Variants in NCOR2 observed in about 807,000 individuals in gnomAD.
NCOR2 encodes CTG repeat protein 26.
In NCOR2, 81 loss-of-function variants were observed where a neutral mutation model predicts 262.9. The ratio of observed to expected loss-of-function variants is 0.31; its 90% CI spans 0.26 to 0.37. The LOEUF (loss-of-function observed/expected upper bound fraction) is 0.37, where lower values mean the gene tolerates loss of function less well. Among genes scored for constraint, NCOR2 ranks in the 10% least tolerant of loss-of-function variants. The pLI, the probability that NCOR2 is intolerant of heterozygous loss-of-function variation, is 1.00. For missense variants in NCOR2, 3,385 were observed against 3,621.4 expected, an observed-to-expected ratio of 0.93 and a Z score of 1.68; for synonymous variants, 1,659 against 1,559.3, an observed-to-expected ratio of 1.06 and a Z score of -1.51.
At chr12:124,553,292 G>A (rs1402959601) in intron 1 of NCOR2, among the ~76,000 whole-genome samples, 2 of 152,184 alleles carry the variant, frequency 1.3e-5, no homozygotes, top group Non-Finnish European at 2.9e-5. Context: ...AAGGTCAGCT[G>A]GTTAGCAGCC....
At chr12:124,411,505 C>T (rs1437760964) in intron 13 of NCOR2, among the ~76,000 whole-genome samples, 1 of 152,154 alleles carries the variant, frequency 6.6e-6, no homozygotes, top group African/African-American at 2.4e-5. Flanking sequence ...AAGAGAGGCC[C>T]CCTTGGCCAC....
rs1158349958 is a variant in NCOR2 at position 124,566,024 on chromosome 12, T to C, written c.-165+1284A>G. Among the ~76,000 whole-genome samples, 1 of 152,022 alleles carries C rather than the reference T, an allele frequency of 6.6e-6. No individual in the cohort carries two copies. Among genetic ancestry groups the C allele is most frequent in the Non-Finnish European group, 1.5e-5 (1 of 68,016 alleles). Reference sequence around the variant, plus strand: ...ATCAAAGCTGCCGCAAGGACCCAGATCTGGCTGAAAAGGGGCAAAGTCAAG... The same window carrying C: ...ATCAAAGCTGCCGCAAGGACCCAGACCTGGCTGAAAAGGGGCAAAGTCAAG... On this transcript the variant is annotated intron_variant, in intron 1 of 32. Coordinates refer to the NCOR2 transcript ENST00000458234. This position sits in a 1 kb window ranked among gnomAD's most constrained non-coding sequence, Gnocchi z 4.3.
chr12:124,527,204 C>T (rs1319601405), intron 1 of NCOR2, among the ~76,000 whole-genome samples: 1 of 152,154 alleles, frequency 6.6e-6, no homozygotes, highest in Non-Finnish European at 1.5e-5. Context: ...AAACACGGCG[C>T]CCCGCACAGA....
At chr12:124,326,261 G>A (rs1399214029) in exon 46 of NCOR2, 1 of 1,560,208 alleles carries the variant, frequency 6.4e-7, no homozygotes, top group Non-Finnish European at 8.7e-7. Context: ...CTCCCTCCGA[G>A]TGCACTGAGG....
At chr12:124,386,354 G>A (rs955907845) in intron 16 of NCOR2, among the ~76,000 whole-genome samples, 21 of 151,962 alleles carry the variant, frequency 1.4e-4, no homozygotes, top group East Asian at 7.8e-4. Flanking sequence ...GTTGTTTTCC[G>A]GCCACACCGG....
chr12:124,330,691 A>G (rs2035107100), intron 44 of NCOR2, among the ~76,000 whole-genome samples, 154 bp downstream of exon 46: 1 of 152,184 alleles, frequency 6.6e-6, no homozygotes. Flanking sequence ...CTGTTGTGTG[A>G]CTCTGAATCC....
chr12:124,467,782 C>A (rs1406488888), intron 4 of NCOR2, among the ~76,000 whole-genome samples: 1 of 80,266 alleles, frequency 1.2e-5, no homozygotes, highest in South Asian at 7.0e-4. Context: ...CCTCATCATC[C>A]TTATCCTCAT....
Position 124,372,091 on chromosome 12 carries a change from TG to T in NCOR2, c.2737del (p.Gln913ArgfsTer51). The T allele has an allele frequency of 3.7e-6, 6 of 1,603,708 alleles. No individual in the cohort carries two copies. ...GCAGGTAGCACTGGAGTCGCTGTCCTGGGGGGCGCCCGAGCTCTTGGCTGTG... is the reference window on the plus strand; with the variant it reads ...GCAGGTAGCACTGGAGTCGCTGTCCTGGGGGCGCCCGAGCTCTTGGCTGTG... On this transcript the variant is annotated frameshift_variant, in exon 20 of 47. Transcript: ENST00000405201. LOFTEE classifies it high-confidence loss of function.
intron 1 of NCOR2, among the ~76,000 whole-genome samples, chr12:124,558,537 G>T (rs984355223): frequency 9.9e-5 from 15 of 152,222 alleles, no homozygotes; most frequent in Non-Finnish European, 1.8e-4. Context: ...GGCGGCTGCA[G>T]TCCCAGGTGG....
At chr12:124,498,086 G>A (rs982914708), upstream of NCOR2, among the ~76,000 whole-genome samples, 4 of 152,182 alleles carry the variant, frequency 2.6e-5, no homozygotes, top group African/African-American at 7.2e-5. Flanking sequence ...AGATAAGGCC[G>A]TCACTTCTGC....
chr12:124,438,769 C>A (rs1326370756), intron 7 of NCOR2, among the ~76,000 whole-genome samples: 28 of 37,812 alleles, frequency 7.4e-4, no homozygotes, highest in South Asian at 2.1e-3. Context: ...AGACAGAGAC[C>A]CAGAGAGACA....
intron 11 of NCOR2, among the ~76,000 whole-genome samples, chr12:124,424,592 C>T (rs1315249327): frequency 6.6e-6 from 1 of 152,188 alleles, no homozygotes; most frequent in African/African-American, 2.4e-5. Flanking sequence ...ACCAAAGACC[C>T]TCCTGGATAG....
chr12:124,517,433 G>T lies in NCOR2; in HGVS notation c.-118+18132C>A, dbSNP rs1036350721. 6.6e-6 allele frequency among the ~76,000 whole-genome samples: 1 copy of T among 152,150 alleles called. No individual in the cohort carries two copies. The highest frequency in any genetic ancestry group is 6.5e-5 in the Admixed American group (1 of 15,282). ...TTTCCAGTGTTTATCCCGGCTCCTC[G>T]CTGCCAAGTCCCTGGGCAAGCCTGG... On this transcript the variant is annotated intron_variant, in intron 1 of 46. Transcript: ENST00000404621. The surrounding 1 kb of genome is among the most constrained non-coding windows in gnomAD (Gnocchi z 7.6).
rs757872859 is a variant in NCOR2 at position 124,340,458 on chromosome 12, G to A, written c.5339-15C>T. 4.3e-6 allele frequency: 7 copies of A among 1,609,476 alleles called. No homozygotes were observed. The highest frequency in any genetic ancestry group is 5.9e-6 in the Non-Finnish European group (7 of 1,178,362). ...TGTTGGACCTCCTAGGAAACCCAAA[G>A]GCCAGAGACTCAGCCCCAGGGCCGA... is the stretch of plus-strand genomic sequence containing the variant. On this transcript the variant is annotated splice_polypyrimidine_tract_variant and intron_variant, in intron 35 of 46. Transcript: ENST00000405201.
At chr12:124,500,482 A>G (rs941179) in intron 1 of NCOR2, among the ~76,000 whole-genome samples, 147,455 of 152,290 alleles carry the variant, frequency 0.97, 71,597 homozygotes, top group Middle Eastern at 1. Context: ...CGGAAAGCTC[A>G]GGCCGTGAGC....
Position 124,340,485 on chromosome 12 carries a change from G to A in NCOR2, c.5339-42C>T, listed in dbSNP as rs759371174. ...CCAGAGACTCAGCCCCAGGGCCGAAGAAGAGCCTGGCTTTGTCTTCTGGGG... is the reference window on the plus strand; with the variant it reads ...CCAGAGACTCAGCCCCAGGGCCGAAAAAGAGCCTGGCTTTGTCTTCTGGGG... On this transcript the variant is annotated intron_variant, in intron 35 of 46. Transcript: ENST00000405201. The A allele has an allele frequency of 6.3e-6, 10 of 1,596,968 alleles. No homozygotes were observed. In the Admixed American group the frequency reaches 8.4e-5, roughly 13 times the overall value.
chr12:124,369,366 G>A (rs751950144), intron 20 of NCOR2, among the ~76,000 whole-genome samples: 4 of 152,160 alleles, frequency 2.6e-5, no homozygotes, highest in Admixed American at 6.5e-5. Context: ...GGGGCCAGAT[G>A]AGAGTCATCT....
chr12:124,566,795 G>A lies in NCOR2; in HGVS notation c.-165+513C>T, dbSNP rs1466760137. On this transcript the variant is annotated intron_variant, in intron 1 of 32. Coordinates refer to the NCOR2 transcript ENST00000458234. This position sits in a 1 kb window ranked among gnomAD's most constrained non-coding sequence, Gnocchi z 4.3. ...GCCCCGTGGCCCCACGCCTAGGAGGGACAAGGCTGGCTCTCCCCCTCGGCT... is the reference window on the plus strand; with the variant it reads ...GCCCCGTGGCCCCACGCCTAGGAGGAACAAGGCTGGCTCTCCCCCTCGGCT... Among the ~76,000 whole-genome samples, 4 of 152,174 alleles carry A rather than the reference G, an allele frequency of 2.6e-5. No homozygotes were observed. Among genetic ancestry groups the A allele is most frequent in the African/African-American group, 9.7e-5 (4 of 41,436 alleles).
chr12:124,434,145 G>A (rs1395294433), intron 8 of NCOR2, among the ~76,000 whole-genome samples: 7 of 152,110 alleles, frequency 4.6e-5, no homozygotes, highest in East Asian at 1.9e-4. Flanking sequence ...TGACAGGGAC[G>A]AGGCCCTGCT....
Sources: allele counts gnomAD v4.1 joint callset (sites outside exome capture counted in the v4.1 genomes callset), GRCh38; gene constraint gnomAD v4.1.1; non-coding constraint Gnocchi (gnomAD v3.1); transcripts MANE v1.5; gene names NCBI Gene and HGNC (gene_info 2026-07-23, HGNC 2026-07-21).